Variants in EXT2 observed in about 807,000 individuals in gnomAD.
EXT2 encodes the protein exostosin-2.
EXT2 carries 53 observed loss-of-function variants against 81.6 expected under a neutral mutation model. That is an observed-to-expected ratio of 0.65 (90% CI 0.52 to 0.82). The LOEUF (loss-of-function observed/expected upper bound fraction) is 0.82, where lower values mean the gene tolerates loss of function less well. Among genes scored for constraint, EXT2 ranks in the 40% least tolerant of loss-of-function variants. The pLI is 0.00. For synonymous variants in EXT2, 320 were observed against 340.0 expected, an observed-to-expected ratio of 0.94 and a Z score of 0.65; for missense variants, 774 against 910.2, an observed-to-expected ratio of 0.85 and a Z score of 1.93.
chr11:44,201,636 T>C (rs747439672), intron 9 of EXT2, among the ~76,000 whole-genome samples: 7 of 152,218 alleles, frequency 4.6e-5, no homozygotes, highest in African/African-American at 2.4e-5. Context: ...GTTCTTTGAT[T>C]TGGGATCATA....
chr11:44,102,340 A>G (rs1030307212), intron 1 of EXT2, among the ~76,000 whole-genome samples: 1 of 152,064 alleles, frequency 6.6e-6, no homozygotes, highest in Non-Finnish European at 1.5e-5. Flanking sequence ...GACCAGCTGT[A>G]TTCTAAATGA....
At chr11:44,219,303 A>C (rs1484763017) in intron 10 of EXT2, among the ~76,000 whole-genome samples, 1 of 151,986 alleles carries the variant, frequency 6.6e-6, no homozygotes, top group African/African-American at 2.4e-5. Context: ...GGAGTTCAAG[A>C]CCAGCCTGAA....
chr11:44,119,159 T>A lies in EXT2; in HGVS notation c.743+4858T>A, dbSNP rs1180985015. Among the ~76,000 whole-genome samples the A allele has an allele frequency of 1.4e-4, 6 of 44,386 alleles. 1 individual carries two copies. Among genetic ancestry groups the A allele is most frequent in the African/African-American group, 3.8e-4 (6 of 15,618 alleles). The allele number at this position is 44,386 out of a possible 152,430, so 29.1% of individuals were successfully genotyped here. ...ATATATATATATATATATATATATA[T>A]ATATATATATACACATACACACACA... On this transcript the variant is annotated intron_variant, in intron 4 of 13. Coordinates refer to ENST00000533608, the MANE Select transcript of EXT2 (RefSeq NM_207122.2).
chr11:44,162,449 G>A (rs918050148), intron 7 of EXT2, among the ~76,000 whole-genome samples: 15 of 151,732 alleles, frequency 9.9e-5, no homozygotes, highest in African/African-American at 2.7e-4. Context: ...GGTGGCAGAC[G>A]TCTGTAATCC....
chr11:44,181,717 A>G (rs888278709), intron 8 of EXT2, among the ~76,000 whole-genome samples: 1 of 152,052 alleles, frequency 6.6e-6, no homozygotes, highest in African/African-American at 2.4e-5. Flanking sequence ...CTCTGAAGAT[A>G]TTATTTGTGG....
intron 10 of EXT2, among the ~76,000 whole-genome samples, chr11:44,213,108 T>A (rs1590652639): frequency 6.6e-6 from 1 of 152,238 alleles, no homozygotes; most frequent in Admixed American, 6.5e-5. Context: ...TATGGGAAAG[T>A]TATAGCATTA....
chr11:44,187,249 C>T (rs1955328207), intron 8 of EXT2, among the ~76,000 whole-genome samples: 1 of 151,796 alleles, frequency 6.6e-6, no homozygotes, highest in Admixed American at 6.6e-5. Context: ...ATGATCACAG[C>T]TCACTGCAGC....
chr11:44,247,243 C>CTTTTT lies in EXT2; in HGVS notation c.*2972_*2976dup, dbSNP rs11421737. 1.0e-4 allele frequency among the ~76,000 whole-genome samples: 12 copies of CTTTTT among 115,170 alleles called. 1 individual carries two copies. Among genetic ancestry groups the CTTTTT allele is most frequent in the Non-Finnish European group, 1.4e-4 (8 of 57,694 alleles). The allele number at this position is 115,170 out of a possible 152,430, so 75.6% of individuals were successfully genotyped here. A position where few individuals can be genotyped will look rare whatever the true frequency, so the allele number is the denominator to read the frequency against. ...CCTGCCAGTGATGCTCTGCTGTATC[C>CTTTTT]TTTTTTTTTTTTTTTTTTTTGAGAC... On this transcript the variant is annotated 3_prime_UTR_variant, in exon 14 of 14. Transcript: ENST00000533608.
At chr11:44,199,021 C>T (rs113195567) in intron 9 of EXT2, among the ~76,000 whole-genome samples, 2 of 152,160 alleles carry the variant, frequency 1.3e-5, no homozygotes, top group African/African-American at 4.8e-5. Context: ...GAATCATATG[C>T]TTTCTTTTTA....
At chr11:44,139,839 C>T (rs1419348807) in intron 7 of EXT2, among the ~76,000 whole-genome samples, 1 of 152,140 alleles carries the variant, frequency 6.6e-6, no homozygotes, top group Non-Finnish European at 1.5e-5. Flanking sequence ...TTTTAAAGTC[C>T]TTATCAGTTT....
intron 13 of EXT2, among the ~76,000 whole-genome samples, chr11:44,240,640 G>T (rs1203881969): frequency 6.6e-6 from 1 of 152,232 alleles, no homozygotes; most frequent in Non-Finnish European, 1.5e-5. Context: ...CAGTGAGGAA[G>T]TAGAGTTAGT....
At position 44,225,769 on chromosome 11, in the gene EXT2, G is replaced by A. The variant is rs530318363; in HGVS notation, c.1663-6584G>A. The stretch of plus-strand genomic sequence containing the variant: ...AGACTTGACCCAGCACTGTAACCTT[G>A]GGAGAACCATGTCTCTCCAGGTCTC... On this transcript the variant is annotated intron_variant, in intron 10 of 13. Transcript: ENST00000533608. Among the ~76,000 whole-genome samples, 4 of 152,194 alleles carry A rather than the reference G, an allele frequency of 2.6e-5. No individual in the cohort carries two copies. In the East Asian group the frequency reaches 7.7e-4, roughly 29 times the overall value.
intron 7 of EXT2, among the ~76,000 whole-genome samples, chr11:44,166,405 C>G (rs1185304673): frequency 6.6e-6 from 1 of 152,166 alleles, no homozygotes; most frequent in Non-Finnish European, 1.5e-5. Flanking sequence ...ATCTAAGAAG[C>G]AGTAGCAGGG....
At chr11:44,188,521 T>C (rs1955347825) in intron 8 of EXT2, among the ~76,000 whole-genome samples, 1 of 152,144 alleles carries the variant, frequency 6.6e-6, no homozygotes, top group South Asian at 2.1e-4. Flanking sequence ...GAAAGTGGCT[T>C]TGTATTGATA....
At chr11:44,209,357 A>AGCT (rs1052821771) in intron 10 of EXT2, among the ~76,000 whole-genome samples, 15 of 152,308 alleles carry the variant, frequency 9.8e-5, no homozygotes, top group African/African-American at 3.6e-4. Context: ...ATGCCATGTT[A>AGCT]GCTGCTGCTG....
intron 3 of EXT2, 77 bp from the exon 4 acceptor site, chr11:44,114,108 T>C: frequency 5.5e-6 from 7 of 1,274,336 alleles, no homozygotes; most frequent in Non-Finnish European, 8.0e-6. Context: ...GACTCAGTAA[T>C]TCCTGTTCCT....
intron 10 of EXT2, among the ~76,000 whole-genome samples, chr11:44,228,519 C>G (rs552989535): frequency 6.6e-6 from 1 of 152,268 alleles, no homozygotes; most frequent in South Asian, 2.1e-4. Flanking sequence ...TTAGAGAGGG[C>G]CCATCCCATT....
At chr11:44,227,016 A>G (rs1247502042) in intron 10 of EXT2, among the ~76,000 whole-genome samples, 1 of 152,202 alleles carries the variant, frequency 6.6e-6, no homozygotes, top group Admixed American at 6.5e-5. Context: ...CTCACCCAGT[A>G]GCAATATCCC....
rs1956117218 is a variant in EXT2 at position 44,248,895 on chromosome 11, A to G, written c.*4608A>G. Reference sequence around the variant, plus strand: ...TTCCAGGCCTCTTTCCTTTTCAAGAAATAGTTGAGTCACCAGCATCTGTAT... The same window carrying G: ...TTCCAGGCCTCTTTCCTTTTCAAGAGATAGTTGAGTCACCAGCATCTGTAT... On this transcript the variant is annotated 3_prime_UTR_variant, in exon 14 of 14. Transcript: ENST00000533608. Among the ~76,000 whole-genome samples, 1 of 152,202 alleles carries G rather than the reference A, an allele frequency of 6.6e-6. No individual in the cohort carries two copies. The highest frequency in any genetic ancestry group is 2.1e-4 in the South Asian group (1 of 4,820).
Sources: allele counts gnomAD v4.1 joint callset (sites outside exome capture counted in the v4.1 genomes callset), GRCh38; gene constraint gnomAD v4.1.1; transcripts MANE v1.5; gene names NCBI Gene and HGNC (gene_info 2026-07-23, HGNC 2026-07-21).